Variants in DLGAP2 observed in about 807,000 individuals in gnomAD.
DLGAP2 encodes disks large-associated protein 2.
A neutral mutation model predicts 100.3 loss-of-function variants in DLGAP2; 26 were observed. That is an observed-to-expected ratio of 0.26 (90% CI 0.19 to 0.36). The LOEUF is 0.36. Ranked by LOEUF, DLGAP2 falls within the 10% of genes least tolerant of loss-of-function variation. The pLI is 1.00. For synonymous variants in DLGAP2, 886 were observed against 630.1 expected, an observed-to-expected ratio of 1.41 and a Z score of -6.08; for missense variants, 1,858 against 1,453.2, an observed-to-expected ratio of 1.28 and a Z score of -4.53.
intron 2 of DLGAP2, among the ~76,000 whole-genome samples, chr8:1,204,733 G>A (rs1265236158): frequency 1.3e-5 from 2 of 152,182 alleles, no homozygotes; most frequent in African/African-American, 4.8e-5. Context: ...AGATGGATGA[G>A]GCAGTAGGAG....
chr8:1,462,357 G>T (rs550362899), intron 3 of DLGAP2, among the ~76,000 whole-genome samples: 5 of 93,872 alleles, frequency 5.3e-5, no homozygotes, highest in Non-Finnish European at 4.3e-5. Flanking sequence ...GGGTGCAGTC[G>T]CTGATTCAGT....
At chr8:1,202,742 G>C (rs751759435) in intron 2 of DLGAP2, among the ~76,000 whole-genome samples, 3 of 152,144 alleles carry the variant, frequency 2.0e-5, no homozygotes, top group Non-Finnish European at 4.4e-5. Flanking sequence ...CTGTGCACCT[G>C]TGTGAGATCC....
chr8:1,390,770 C>T (rs1404164907), intron 3 of DLGAP2, among the ~76,000 whole-genome samples: 1 of 152,212 alleles, frequency 6.6e-6, no homozygotes, highest in Non-Finnish European at 1.5e-5. Flanking sequence ...TTCAGCTCAA[C>T]CCTCTGTTAC....
chr8:1,145,510 C>G (rs1796590847), intron 2 of DLGAP2, among the ~76,000 whole-genome samples: 1 of 152,024 alleles, frequency 6.6e-6, no homozygotes, highest in Non-Finnish European at 1.5e-5. Flanking sequence ...TCAACAGACC[C>G]CTCTCCTCCT....
intron 1 of DLGAP2, among the ~76,000 whole-genome samples, chr8:873,840 G>T (rs1344605745): frequency 1.3e-5 from 2 of 152,130 alleles, no homozygotes; most frequent in African/African-American, 4.8e-5. Flanking sequence ...TAGAGATGTC[G>T]TCTGGGCCTG....
intron 2 of DLGAP2, among the ~76,000 whole-genome samples, chr8:1,024,573 TG>T (rs1299554364): frequency 6.6e-6 from 1 of 152,110 alleles, no homozygotes; most frequent in East Asian, 1.9e-4. Context: ...CCCTCTGTGG[TG>T]GGGGTGCCTC....
chr8:1,076,015 T>C (rs534421713), intron 2 of DLGAP2, among the ~76,000 whole-genome samples: 76 of 152,318 alleles, frequency 5.0e-4, no homozygotes, highest in African/African-American at 1.7e-3. Flanking sequence ...AATTGGAAGA[T>C]GCATTTGAGG....
At chr8:1,506,659 A>G (rs371312256) in intron 4 of DLGAP2, among the ~76,000 whole-genome samples, 66 of 152,232 alleles carry the variant, frequency 4.3e-4, no homozygotes, top group African/African-American at 1.6e-3. Flanking sequence ...ATCTGGCCCC[A>G]CCCACATCCT....
intron 2 of DLGAP2, among the ~76,000 whole-genome samples, chr8:1,195,309 A>C (rs1797728348): frequency 6.6e-6 from 1 of 152,220 alleles, no homozygotes; most frequent in Admixed American, 6.5e-5. Flanking sequence ...CCTCAGGAGC[A>C]GAGCCTGAAG....
At chr8:1,520,534 A>G (rs967784725) in intron 4 of DLGAP2, among the ~76,000 whole-genome samples, 4 of 152,002 alleles carry the variant, frequency 2.6e-5, no homozygotes, top group Admixed American at 1.3e-4. Flanking sequence ...CCCCACTGCC[A>G]CCTCACACAG....
chr8:1,130,089 CAG>C (rs1484589981), intron 2 of DLGAP2, among the ~76,000 whole-genome samples: 6 of 1,888 alleles, frequency 3.2e-3, no homozygotes, highest in African/African-American at 0.014. Context: ...GGGATCGTGT[CAG>C]ACACTTCACG....
intron 2 of DLGAP2, among the ~76,000 whole-genome samples, chr8:1,046,075 A>G (rs1157730510): frequency 2.0e-5 from 3 of 152,228 alleles, no homozygotes; most frequent in Admixed American, 2.0e-4. Context: ...AGTCACGGAA[A>G]GCAGCCCAGC....
chr8:786,587 T>A (rs1483212124), intron 1 of DLGAP2, among the ~76,000 whole-genome samples: 1 of 151,654 alleles, frequency 6.6e-6, no homozygotes, highest in African/African-American at 2.4e-5. Context: ...TACGCACAGT[T>A]CCCTCAGAGA....
chr8:1,491,001 G>C (rs1331101979), intron 3 of DLGAP2, among the ~76,000 whole-genome samples: 1 of 127,838 alleles, frequency 7.8e-6, no homozygotes, highest in Non-Finnish European at 1.7e-5. Context: ...TTGTGCACAT[G>C]TACCCTAAAA....
intron 1 of DLGAP2, among the ~76,000 whole-genome samples, chr8:898,537 G>T (rs917583319): frequency 2.5e-4 from 38 of 152,166 alleles, no homozygotes; most frequent in African/African-American, 9.2e-4. Context: ...GACATGATTG[G>T]GGGTGCTGTG....
At chr8:1,522,433 G>T (rs527277741) in intron 4 of DLGAP2, among the ~76,000 whole-genome samples, 1 of 152,216 alleles carries the variant, frequency 6.6e-6, no homozygotes, top group Non-Finnish European at 1.5e-5. Context: ...ACCTCCTTTT[G>T]CTCAGAGCAC....
Position 777,702 on chromosome 8 carries a change from G to A in DLGAP2, c.18+39877G>A, listed in dbSNP as rs547787435. Among the ~76,000 whole-genome samples the A allele has an allele frequency of 1.3e-3, 196 of 152,198 alleles. 2 individuals carry two copies. The highest frequency in any genetic ancestry group is 4.6e-3 in the African/African-American group (193 of 41,520). On this transcript the variant is annotated intron_variant, in intron 1 of 14. Transcript: ENST00000637795. ...CCCCCACTCTCTTCTGGCTTGTAGG[G>A]TTTCTGCCGAGAGATCCGCTGTTAG...
At chr8:1,449,581 G>A (rs1331244829) in intron 3 of DLGAP2, among the ~76,000 whole-genome samples, 1 of 152,180 alleles carries the variant, frequency 6.6e-6, no homozygotes, top group African/African-American at 2.4e-5. Context: ...CCCCGTTCCT[G>A]AGCTCCAGGG....
chr8:940,420 C>G (rs1158021739), intron 2 of DLGAP2, among the ~76,000 whole-genome samples: 6 of 152,080 alleles, frequency 3.9e-5, no homozygotes, highest in African/African-American at 1.2e-4. Flanking sequence ...CAGGAGTTCC[C>G]TGTGATTTCA....
Sources: allele counts gnomAD v4.1 joint callset (sites outside exome capture counted in the v4.1 genomes callset), GRCh38; gene constraint gnomAD v4.1.1; transcripts MANE v1.5; gene names NCBI Gene and HGNC (gene_info 2026-07-23, HGNC 2026-07-21).